The following EPHB1 variants were observed in gnomAD, a reference collection of about 807,000 sequenced individuals.
EPHB1 encodes EPH receptor B1.
In EPHB1, 30 loss-of-function variants were observed where a neutral mutation model predicts 94.4. The ratio of observed to expected loss-of-function variants is 0.32; its 90% CI spans 0.24 to 0.43. The LOEUF is 0.43. Among genes scored for constraint, EPHB1 ranks in the 20% least tolerant of loss-of-function variants. The pLI is 1.00. For missense variants in EPHB1, 1,055 were observed against 1,308.3 expected, an observed-to-expected ratio of 0.81 and a Z score of 2.99; for synonymous variants, 522 against 489.1, an observed-to-expected ratio of 1.07 and a Z score of -0.89.
At chr3:134,878,904 AC>A (rs2037670277) in intron 1 of EPHB1, among the ~76,000 whole-genome samples, 1 of 152,214 alleles carries the variant, frequency 6.6e-6, no homozygotes, top group African/African-American at 2.4e-5. Context: ...ACTCGCTCTT[AC>A]TAAAATCTAA....
At chr3:135,179,789 G>A (rs1487800044) in intron 9 of EPHB1, 71 bp from the exon 10 acceptor site, 2 of 1,580,476 alleles carry the variant, frequency 1.3e-6, no homozygotes, top group African/African-American at 2.7e-5. Context: ...TTAGTGCTGG[G>A]GACATCAGCA....
chr3:135,063,497 T>G (rs1937542185), intron 3 of EPHB1, among the ~76,000 whole-genome samples: 1 of 152,204 alleles, frequency 6.6e-6, no homozygotes, highest in African/African-American at 2.4e-5. Flanking sequence ...GCTTGGTTGC[T>G]GTTGGTGTAG....
intron 10 of EPHB1, among the ~76,000 whole-genome samples, chr3:135,190,321 C>T (rs1025250772): frequency 6.6e-6 from 1 of 152,180 alleles, no homozygotes; most frequent in African/African-American, 2.4e-5. Flanking sequence ...ATTAACACAC[C>T]TTTACCCTCA....
intron 1 of EPHB1, among the ~76,000 whole-genome samples, chr3:134,812,153 C>G (rs2036191295): frequency 6.6e-6 from 1 of 152,124 alleles, no homozygotes; most frequent in Non-Finnish European, 1.5e-5. Flanking sequence ...GCATAATTTA[C>G]ATATAATAGG....
chr3:134,860,067 A>C (rs545303942), intron 1 of EPHB1, among the ~76,000 whole-genome samples: 1 of 152,020 alleles, frequency 6.6e-6, no homozygotes, highest in South Asian at 2.1e-4. Flanking sequence ...TAAACACTGA[A>C]GATTGTATAT....
Position 134,925,838 on chromosome 3 carries a change from G to A in EPHB1, c.81G>A (p.Thr27=), listed in dbSNP as rs370590244. The A allele has an allele frequency of 7.6e-5, 122 of 1,603,678 alleles. No homozygotes were observed. The highest frequency in any genetic ancestry group is 1.7e-4 in the Middle Eastern group (1 of 6,050). ...AMEETLMDTR[T]ATAELGWTAN... Reference sequence around the variant, plus strand: ...CAGAAACGTTAATGGACACCAGAACGGCTACTGCAGAGCTGGGCTGGACGG... The same window carrying A: ...CAGAAACGTTAATGGACACCAGAACAGCTACTGCAGAGCTGGGCTGGACGG... Residue 27 remains threonine, a synonymous_variant, in exon 2 of 16, where the codon ACG becomes ACA. Coordinates refer to ENST00000398015, the MANE Select transcript of EPHB1 (RefSeq NM_004441.5).
intron 1 of EPHB1, among the ~76,000 whole-genome samples, chr3:134,820,301 C>G (rs1331354789): frequency 2.0e-5 from 3 of 152,190 alleles, no homozygotes; most frequent in African/African-American, 7.2e-5. Context: ...TTAGCAGTAT[C>G]CCTGCAGGAA....
chr3:135,169,364 G>A (rs2107700871), intron 9 of EPHB1, among the ~76,000 whole-genome samples: 1 of 152,302 alleles, frequency 6.6e-6, no homozygotes, highest in Non-Finnish European at 1.5e-5. Context: ...TTCCTTGGAA[G>A]TCTGTCCTCT....
At chr3:134,798,681 C>T (rs930868198) in intron 1 of EPHB1, among the ~76,000 whole-genome samples, 5 of 152,168 alleles carry the variant, frequency 3.3e-5, no homozygotes, top group African/African-American at 1.2e-4. Flanking sequence ...ACTGCCTCTT[C>T]AAGCCCACCG....
At chr3:135,252,268 GGTTA>G (rs1294097438) in intron 15 of EPHB1, among the ~76,000 whole-genome samples, 29 of 150,270 alleles carry the variant, frequency 1.9e-4, no homozygotes, top group African/African-American at 5.9e-4. Flanking sequence ...ACATTGTGCA[GGTTA>G]GTTACATATG....
rs534783213 is a variant in EPHB1, at chr3:134,835,144, G to C, written c.58+39455G>C. Among the ~76,000 whole-genome samples, 9 of 152,324 alleles carry C rather than the reference G, an allele frequency of 5.9e-5. No homozygotes were observed. In the South Asian group the frequency reaches 1.9e-3, roughly 32 times the overall value. The stretch of plus-strand genomic sequence containing the variant: ...TTCTGTCAGAGGCCAGGTAACTGCA[G>C]GAGTAGCTGTGTTAACATCTGAGCA... On this transcript the variant is annotated intron_variant, in intron 1 of 15. Coordinates refer to ENST00000398015, the MANE Select transcript of EPHB1 (RefSeq NM_004441.5).
At chr3:135,114,245 A>G (rs1939583339) in intron 4 of EPHB1, among the ~76,000 whole-genome samples, 1 of 152,136 alleles carries the variant, frequency 6.6e-6, no homozygotes, top group Non-Finnish European at 1.5e-5. Flanking sequence ...TATAATTGCT[A>G]AGAGTGTGGG....
chr3:134,821,775 G>C (rs2036385320), intron 1 of EPHB1, among the ~76,000 whole-genome samples: 1 of 152,184 alleles, frequency 6.6e-6, no homozygotes, highest in South Asian at 2.1e-4. Flanking sequence ...AAACGTGTTT[G>C]GGAATGGTGA....
chr3:135,129,200 T>TG (rs1302241585), intron 4 of EPHB1, among the ~76,000 whole-genome samples: 1 of 59,944 alleles, frequency 1.7e-5, no homozygotes, highest in Non-Finnish European at 3.4e-5. Flanking sequence ...TCCCCTGGAA[T>TG]GGGGGGTGGG....
chr3:135,221,011 A>G (rs1170663835), intron 12 of EPHB1, among the ~76,000 whole-genome samples: 1 of 152,186 alleles, frequency 6.6e-6, no homozygotes, highest in Non-Finnish European at 1.5e-5. Flanking sequence ...TTTCCTTTGG[A>G]AAGGAATTTG....
At chr3:135,216,161 G>A (rs539201163) in intron 12 of EPHB1, among the ~76,000 whole-genome samples, 9 of 152,238 alleles carry the variant, frequency 5.9e-5, no homozygotes, top group African/African-American at 1.4e-4. Flanking sequence ...CAGCCATCAC[G>A]TTGTCTGAGA....
At chr3:135,131,853 T>C (rs1940429868) in intron 4 of EPHB1, among the ~76,000 whole-genome samples, 1 of 152,190 alleles carries the variant, frequency 6.6e-6, no homozygotes, top group Non-Finnish European at 1.5e-5. Flanking sequence ...GGGCTATAGT[T>C]GAGAACGTGA....
At chr3:134,995,683 C>T (rs1934966375) in intron 3 of EPHB1, among the ~76,000 whole-genome samples, 1 of 151,722 alleles carries the variant, frequency 6.6e-6, no homozygotes, top group Non-Finnish European at 1.5e-5. Flanking sequence ...TGGATTACAT[C>T]CATTGCTAGT....
chr3:135,053,919 G>A (rs986913265), intron 3 of EPHB1, among the ~76,000 whole-genome samples: 2 of 151,992 alleles, frequency 1.3e-5, no homozygotes, highest in Non-Finnish European at 2.9e-5. Context: ...TTGAGCCCAC[G>A]AGTTCAAGGC....
Sources: gnomAD v4.1 joint callset for allele counts (sites outside exome capture counted in the v4.1 genomes callset) on GRCh38, gnomAD v4.1.1 for gene constraint, MANE v1.5 for transcripts, NCBI Gene and HGNC (gene_info 2026-07-23, HGNC 2026-07-21) for gene names.